Variants in LAMC1 observed in about 807,000 individuals in gnomAD.
LAMC1 encodes the protein laminin subunit gamma-1.
In LAMC1, 38 loss-of-function variants were observed where a neutral mutation model predicts 173.6. The ratio of observed to expected loss-of-function variants is 0.22; its 90% CI spans 0.17 to 0.29. LAMC1 has a LOEUF of 0.29. Among genes scored for constraint, LAMC1 ranks in the 10% least tolerant of loss-of-function variants. LAMC1 has a pLI of 1.00. For missense variants in LAMC1, 1,824 were observed against 2,051.8 expected (o/e 0.89, Z 2.14); for synonymous variants, 746 against 749.1 (o/e 1.00, Z 0.07).
At chr1:183,129,082 CTTTTTTTT>C (rs201079710) in intron 18 of LAMC1, among the ~76,000 whole-genome samples, 20 of 109,996 alleles carry the variant, frequency 1.8e-4, no homozygotes, top group East Asian at 2.7e-4. Context: ...TCTTCATAAG[CTTTTTTTT>C]TTTTTTTTTT....
chr1:183,077,026 C>A (rs563042450), intron 1 of LAMC1, among the ~76,000 whole-genome samples: 1 of 152,150 alleles, frequency 6.6e-6, no homozygotes, highest in Non-Finnish European at 1.5e-5. Flanking sequence ...GCCAAGATTG[C>A]GTTTCATGAG....
intron 6 of LAMC1, among the ~76,000 whole-genome samples, chr1:183,116,145 G>C (rs1189729709): frequency 1.5e-5 from 2 of 129,194 alleles, no homozygotes; most frequent in African/African-American, 5.5e-5. Flanking sequence ...AAAAAAAAAT[G>C]ACTTTAGGGT....
intron 1 of LAMC1, among the ~76,000 whole-genome samples, chr1:183,075,058 A>G (rs1655091413): frequency 6.6e-6 from 1 of 152,104 alleles, no homozygotes; most frequent in Non-Finnish European, 1.5e-5. Context: ...TAGATTATTA[A>G]AATTATAGAT....
At chr1:183,098,765 A>G (rs1019105187) in intron 1 of LAMC1, among the ~76,000 whole-genome samples, 5 of 152,166 alleles carry the variant, frequency 3.3e-5, no homozygotes, top group Non-Finnish European at 7.4e-5. Flanking sequence ...TAAAACCTAC[A>G]ATGTCACTTT....
chr1:183,063,977 A>G (rs1055403730), intron 1 of LAMC1, among the ~76,000 whole-genome samples: 1 of 152,320 alleles, frequency 6.6e-6, no homozygotes, highest in South Asian at 2.1e-4. Flanking sequence ...CAAATTACTT[A>G]AATTTTTATT....
At chr1:183,053,386 A>T (rs1409016623) in intron 1 of LAMC1, among the ~76,000 whole-genome samples, 1 of 150,438 alleles carries the variant, frequency 6.6e-6, no homozygotes. Flanking sequence ...ATTCTTTTTT[A>T]AAAATGCTCA....
At chr1:183,053,744 G>A (rs1199041442) in intron 1 of LAMC1, among the ~76,000 whole-genome samples, 5 of 152,026 alleles carry the variant, frequency 3.3e-5, no homozygotes, top group Non-Finnish European at 1.5e-5. Flanking sequence ...TTGTGCTTCA[G>A]CCTCTTGAGT....
intron 23 of LAMC1, 84 bp from the exon 24 acceptor site, chr1:183,134,958 G>T: frequency 7.4e-7 from 1 of 1,353,196 alleles, no homozygotes; most frequent in Non-Finnish European, 1.1e-6. Context: ...TCTCAGGGTG[G>T]CACCTCTGGA....
At chr1:183,043,534 T>C (rs541730505) in intron 1 of LAMC1, among the ~76,000 whole-genome samples, 15 of 152,334 alleles carry the variant, frequency 9.8e-5, no homozygotes, top group South Asian at 4.1e-4. Context: ...TAAAGTTTAA[T>C]AGGAAATTTC....
At chr1:183,099,594 C>T (rs1208488686) in intron 1 of LAMC1, among the ~76,000 whole-genome samples, 1 of 152,156 alleles carries the variant, frequency 6.6e-6, no homozygotes, top group Admixed American at 6.5e-5. Flanking sequence ...TTGCCTTCCT[C>T]CCTCTGGCTG....
At chr1:183,125,335 TA>T (rs1451952614) in intron 14 of LAMC1, 61 bp from the exon 15 acceptor site, 1 of 1,566,668 alleles carries the variant, frequency 6.4e-7, no homozygotes, top group African/African-American at 1.4e-5. Context: ...TTAGGTTGTT[TA>T]TATTTTAGTA....
chr1:183,060,871 G>C (rs1361510742), intron 1 of LAMC1, among the ~76,000 whole-genome samples: 2 of 152,186 alleles, frequency 1.3e-5, no homozygotes, highest in Non-Finnish European at 2.9e-5. Context: ...AAAATATCGT[G>C]TTGAGAAGTA....
chr1:183,084,011 G>T (rs1354416237), intron 1 of LAMC1, among the ~76,000 whole-genome samples: 2 of 152,100 alleles, frequency 1.3e-5, no homozygotes, highest in East Asian at 3.8e-4. Flanking sequence ...TTATATGTGG[G>T]ATCTTTACAA....
intron 1 of LAMC1, among the ~76,000 whole-genome samples, chr1:183,068,908 C>T (rs1294514282): frequency 6.6e-6 from 1 of 151,982 alleles, no homozygotes; most frequent in East Asian, 1.9e-4. Flanking sequence ...CGCCACTGCA[C>T]TCCAGCCTGG....
At position 183,125,446 on chromosome 1, in the gene LAMC1, C is replaced by G. The variant is rs755176390; in HGVS notation, c.2697C>G (p.Asn899Lys). The G allele has an allele frequency of 6.2e-7, 1 of 1,614,128 alleles. No homozygotes were observed. Among genetic ancestry groups the G allele is most frequent in the Non-Finnish European group, 8.5e-7 (1 of 1,179,972 alleles). ...CCATGAAGCAGCAGAGCAGCTGTAA[C>G]CCCGTGACGGGGCAGTGTGAATGTT... The part of the protein sequence containing the change: ...YGTMKQQSSC[N>K]PVTGQCECLP... The change falls in exon 15 of 28, where the codon AAC (asparagine) becomes AAG (lysine). Residue 899 changes from asparagine (N) to lysine (K), a missense_variant. Transcript: ENST00000258341.
chr1:183,116,594 C>T lies in LAMC1; in HGVS notation c.1346C>T (p.Pro449Leu), dbSNP rs781272691. ...EAGCRPCSCD[P>L]SGSIDECNIE... is the part of the protein sequence containing the mutation. The stretch of plus-strand genomic sequence containing the variant: ...TTGAATAGGCCATGCTCTTGTGATC[C>T]CTCTGGCAGCATAGATGAATGTAAT... Residue 449 changes from proline (P) to leucine (L), a missense_variant, in exon 7 of 28, where the codon CCC becomes CTC. Pro to Leu is a moderately conservative substitution (Grantham distance 98). Transcript: ENST00000258341. The T allele has an allele frequency of 3.1e-6, 5 of 1,609,806 alleles. No homozygotes were observed. The African/African-American group carries it at 6.7e-5, about 22-fold the overall frequency.
In LAMC1 at chr1:183,114,677, G is replaced by A; in HGVS notation, c.1168G>A (p.Gly390Ser). ...GTGCCGAGAGAACTTCTTCCGCCTT[G>A]GCAACAATGAAGCCTGCTCTTCATG... ...ERCRENFFRL[G>S]NNEACSSCHC... is the part of the protein sequence containing the mutation. Residue 390 changes from glycine (G) to serine (S), a missense_variant, in exon 5 of 28, where the codon GGC (glycine) becomes AGC (serine). By Grantham distance (56) the Gly-to-Ser change is moderately conservative. Transcript: ENST00000258341. 6.2e-7 allele frequency: 1 copy of A among 1,614,152 alleles called. No individual in the cohort carries two copies.
chr1:183,045,498 TA>T (rs1654245097), intron 1 of LAMC1, among the ~76,000 whole-genome samples: 1 of 152,082 alleles, frequency 6.6e-6, no homozygotes, highest in African/African-American at 2.4e-5. Flanking sequence ...AAAAGTTCAG[TA>T]TATTTTTGAA....
At chr1:183,070,448 A>G (rs139848955) in intron 1 of LAMC1, among the ~76,000 whole-genome samples, 2 of 152,168 alleles carry the variant, frequency 1.3e-5, no homozygotes, top group African/African-American at 4.8e-5. Context: ...GGATGCCCAG[A>G]TGTTCCTGGG....
Sources: allele counts gnomAD v4.1 joint callset (sites outside exome capture counted in the v4.1 genomes callset), GRCh38; gene constraint gnomAD v4.1.1; transcripts MANE v1.5; gene names NCBI Gene and HGNC (gene_info 2026-07-23, HGNC 2026-07-21).